Variants in CFTR observed in about 807,000 individuals in gnomAD.
The protein encoded by CFTR is cystic fibrosis transmembrane conductance regulator.
A neutral mutation model predicts 171.6 loss-of-function variants in CFTR; 181 were observed. The ratio of observed to expected loss-of-function variants is 1.05; its 90% CI spans 0.93 to 1.19. The LOEUF (loss-of-function observed/expected upper bound fraction) is 1.19. Ranked by LOEUF, CFTR falls within the 50% of genes most tolerant of loss-of-function variation. The pLI is 0.00. For synonymous variants in CFTR, 583 were observed against 608.0 expected, an observed-to-expected ratio of 0.96 and a Z score of 0.60; for missense variants, 1,968 against 1,734.7, an observed-to-expected ratio of 1.13 and a Z score of -2.39.
At chr7:117,646,697 G>A (rs922037363) in intron 23 of CFTR, among the ~76,000 whole-genome samples, 1 of 152,068 alleles carries the variant, frequency 6.6e-6, no homozygotes, top group Non-Finnish European at 1.5e-5. Flanking sequence ...AGGGACATGA[G>A]CTAGGAAACT....
intron 22 of CFTR, among the ~76,000 whole-genome samples, chr7:117,638,999 TG>T (rs958526578): frequency 9.9e-5 from 15 of 151,896 alleles, no homozygotes; most frequent in African/African-American, 3.4e-4. Flanking sequence ...CTGCCCTTCT[TG>T]GGGGGGAAAA....
chr7:117,540,129 C>A lies in CFTR; in HGVS notation c.899C>A (p.Ala300Asp). ...GAACTGAAACTGACTCGGAAGGCAG[C>A]CTATGTGAGATACTTCAATAGCTCA... ...QTELKLTRKA[A>D]YVRYFNSSAF... is the part of the protein sequence containing the mutation. The change falls in exon 8 of 27, where the codon GCC (alanine) becomes GAC (aspartate). Residue 300 changes from alanine (A) to aspartate (D), a missense_variant. By Grantham distance (126) the Ala-to-Asp change is moderately radical. Coordinates refer to ENST00000003084, the MANE Select transcript of CFTR (RefSeq NM_000492.4). 6.2e-7 allele frequency: 1 copy of A among 1,612,962 alleles called. No homozygotes were observed. Among genetic ancestry groups the A allele is most frequent in the Non-Finnish European group, 8.5e-7 (1 of 1,179,044 alleles).
Position 117,610,022 on chromosome 7 carries a change from G to A in CFTR, c.2989-497G>A, listed in dbSNP as rs192773471. ...CAATGATAGACTGGATTAAGAAAAT[G>A]TGGCACATATACACCATGGAACACT... On this transcript the variant is annotated intron_variant, in intron 18 of 26. Coordinates refer to ENST00000003084, the MANE Select transcript of CFTR (RefSeq NM_000492.4). Among the ~76,000 whole-genome samples, 12 of 152,066 alleles carry A rather than the reference G, an allele frequency of 7.9e-5. 1 individual carries two copies. In the East Asian group the frequency reaches 2.1e-3, roughly 27 times the overall value.
At chr7:117,567,516 A>G (rs1791621499) in intron 11 of CFTR, among the ~76,000 whole-genome samples, 1 of 152,174 alleles carries the variant, frequency 6.6e-6, no homozygotes, top group African/African-American at 2.4e-5. Context: ...CCTACTTTTT[A>G]TTTACCAGGT....
At chr7:117,543,090 T>G (rs1799084446) in intron 9 of CFTR, among the ~76,000 whole-genome samples, 1 of 152,220 alleles carries the variant, frequency 6.6e-6, no homozygotes, top group East Asian at 1.9e-4. Flanking sequence ...ATTTGATTAT[T>G]GAGCACACCT....
intron 11 of CFTR, among the ~76,000 whole-genome samples, chr7:117,581,216 A>G (rs1052664699): frequency 1.3e-5 from 2 of 152,184 alleles, no homozygotes; most frequent in African/African-American, 4.8e-5. Context: ...GTTTAAAATC[A>G]CATGGCTACA....
At chr7:117,627,122 G>C (rs1010919016) in intron 21 of CFTR, among the ~76,000 whole-genome samples, 1 of 152,050 alleles carries the variant, frequency 6.6e-6, no homozygotes, top group Non-Finnish European at 1.5e-5. Flanking sequence ...AAGGTAGTTC[G>C]AGAGAAAGAG....
At chr7:117,539,993 A>T in intron 7 of CFTR, 107 bp from the exon 8 acceptor site, 2 of 946,846 alleles carry the variant, frequency 2.1e-6, no homozygotes, top group Non-Finnish European at 3.2e-6. Context: ...GGTTAAAAAT[A>T]TAGGCAGAAA....
At chr7:117,594,271 T>C (rs1184792992) in intron 14 of CFTR, among the ~76,000 whole-genome samples, 1 of 152,214 alleles carries the variant, frequency 6.6e-6, no homozygotes, top group Admixed American at 6.5e-5. Flanking sequence ...TTCATAGCAC[T>C]TTCCCATGAG....
chr7:117,666,638 G>A (rs1455485828), intron 26 of CFTR, among the ~76,000 whole-genome samples: 6 of 152,096 alleles, frequency 3.9e-5, no homozygotes, highest in Non-Finnish European at 7.4e-5. Context: ...CTAATATTTT[G>A]TTTTCAAAGC....
At chr7:117,542,136 C>G (rs370653287) in intron 9 of CFTR, 28 bp downstream of exon 9, 2 of 1,032,070 alleles carry the variant, frequency 1.9e-6, no homozygotes, top group Admixed American at 1.7e-5. Context: ...ATTGTTTGCT[C>G]TAAACACCTA....
intron 22 of CFTR, among the ~76,000 whole-genome samples, chr7:117,635,657 A>G (rs960691237): frequency 2.0e-5 from 3 of 151,996 alleles, no homozygotes; most frequent in African/African-American, 4.8e-5. Context: ...AGTTTGCAAT[A>G]TACATTTACA....
chr7:117,575,284 AT>A (rs529952448), intron 11 of CFTR, among the ~76,000 whole-genome samples: 28 of 152,258 alleles, frequency 1.8e-4, no homozygotes, highest in African/African-American at 5.5e-4. Context: ...AATTCTTGCC[AT>A]TCTGATTTGT....
At chr7:117,486,613 C>T (rs527812081) in intron 1 of CFTR, among the ~76,000 whole-genome samples, 1 of 151,896 alleles carries the variant, frequency 6.6e-6, no homozygotes, top group South Asian at 2.1e-4. Context: ...AAGCATGGCA[C>T]CTTCAAAATA....
chr7:117,635,436 TTTTA>T (rs1456997669), intron 22 of CFTR, among the ~76,000 whole-genome samples: 1 of 152,126 alleles, frequency 6.6e-6, no homozygotes, highest in African/African-American at 2.4e-5. Context: ...ACTATTGATA[TTTTA>T]AGTGATTATT....
In CFTR at chr7:117,642,530, T is replaced by A; in HGVS notation, c.3810T>A (p.Asp1270Glu). Residue 1270 changes from aspartate (D) to glutamate (E), a missense_variant, in exon 23 of 27, where the codon GAT (aspartate) becomes GAA (glutamate). Physicochemically the swap from Asp to Glu is conservative, Grantham distance 45. Transcript: ENST00000003084. The stretch of plus-strand genomic sequence containing the variant: ...ACACTGAAGGAGAAATCCAGATCGA[T>A]GGTGTGTCTTGGGATTCAATAACTT... ...LLNTEGEIQI[D>E]GVSWDSITLQ... The A allele has an allele frequency of 6.2e-7, 1 of 1,613,582 alleles. No homozygotes were observed. Among genetic ancestry groups the A allele is most frequent in the South Asian group, 1.1e-5 (1 of 91,066 alleles).
chr7:117,610,780 A>C (rs1002497147), intron 19 of CFTR, 111 bp downstream of exon 19: 1 of 1,115,312 alleles, frequency 9.0e-7, no homozygotes, highest in African/African-American at 1.6e-5. Flanking sequence ...CTTTTACATC[A>C]TATAACAATA....
Position 117,559,604 on chromosome 7 carries a change from C to T in CFTR, c.1533C>T (p.Ser511=). The T allele has an allele frequency of 1.9e-6, 3 of 1,613,080 alleles. No homozygotes were observed. Among genetic ancestry groups the T allele is most frequent in the Non-Finnish European group, 1.7e-6 (2 of 1,179,418 alleles). The change falls in exon 11 of 27, where the codon TCC becomes TCT. Residue 511 remains serine, a synonymous_variant. Coordinates refer to ENST00000003084, the MANE Select transcript of CFTR (RefSeq NM_000492.4). The part of the protein sequence containing the change: ...TIKENIIFGV[S]YDEYRYRSVI... ...AAGAAAATATCATCTTTGGTGTTTC[C>T]TATGATGAATATAGATACAGAAGCG...
intron 1 of CFTR, among the ~76,000 whole-genome samples, chr7:117,503,129 A>G (rs993889824): frequency 6.6e-6 from 1 of 152,192 alleles, no homozygotes; most frequent in Non-Finnish European, 1.5e-5. Context: ...TTTGTTCTGA[A>G]TGGCTTTGCT....
Sources: gnomAD v4.1 joint callset for allele counts (sites outside exome capture counted in the v4.1 genomes callset) on GRCh38, gnomAD v4.1.1 for gene constraint, MANE v1.5 for transcripts, NCBI Gene and HGNC (gene_info 2026-07-23, HGNC 2026-07-21) for gene names.